The following CFAP58 variants were observed in gnomAD, a reference collection of about 807,000 sequenced individuals.
CFAP58 encodes the protein cilia- and flagella-associated protein 58.
CFAP58 carries 88 observed loss-of-function variants against 119.5 expected under a neutral mutation model. The observed-to-expected ratio is 0.74, with a 90% confidence interval of 0.62 to 0.88. The LOEUF (loss-of-function observed/expected upper bound fraction) is 0.88, where lower values mean the gene tolerates loss of function less well. Ranked by LOEUF, CFAP58 falls within the 40% of genes least tolerant of loss-of-function variation. The probability of loss-of-function intolerance (pLI) is 0.00; values close to 1 mark genes in which losing one functional copy is unlikely to be tolerated. For synonymous variants in CFAP58, 365 were observed against 366.3 expected (o/e 1.00, Z 0.04); for missense variants, 990 against 1,021.2 (o/e 0.97, Z 0.42).
chr10:104,453,592 G>T (rs1169776551), intron 17 of CFAP58, among the ~76,000 whole-genome samples: 1 of 152,128 alleles, frequency 6.6e-6, no homozygotes, highest in Non-Finnish European at 1.5e-5. Flanking sequence ...AAGACAGTTT[G>T]TTCCCCTAGG....
intron 7 of CFAP58, among the ~76,000 whole-genome samples, chr10:104,375,670 C>T (rs1257162493): frequency 1.3e-5 from 2 of 151,458 alleles, no homozygotes; most frequent in Non-Finnish European, 2.9e-5. Context: ...CCAAAGTGGT[C>T]GGGGTACAGC....
intron 15 of CFAP58, among the ~76,000 whole-genome samples, chr10:104,415,732 A>G (rs1372044133): frequency 1.3e-5 from 2 of 152,194 alleles, no homozygotes; most frequent in South Asian, 2.1e-4. Flanking sequence ...TTACTCACTC[A>G]GTGATTCACC....
At chr10:104,424,198 C>T (rs1386248960) in intron 15 of CFAP58, among the ~76,000 whole-genome samples, 2 of 152,128 alleles carry the variant, frequency 1.3e-5, no homozygotes, top group Non-Finnish European at 1.5e-5. Flanking sequence ...TGGGAGCTGC[C>T]TATATGCCTG....
At chr10:104,349,934 C>T (rs2014440352), upstream of CFAP58, among the ~76,000 whole-genome samples, 1 of 152,164 alleles carries the variant, frequency 6.6e-6, no homozygotes, top group Non-Finnish European at 1.5e-5. Context: ...AAGAGCATGG[C>T]TACCCAGGGA....
chr10:104,406,220 G>T (rs1023017717), intron 14 of CFAP58, among the ~76,000 whole-genome samples: 1 of 152,242 alleles, frequency 6.6e-6, no homozygotes, highest in African/African-American at 2.4e-5. Flanking sequence ...CGTGATTCCG[G>T]CTCTGAGCCT....
At chr10:104,450,274 A>G (rs2013173938) in intron 17 of CFAP58, 70 bp downstream of exon 17, 2 of 1,524,414 alleles carry the variant, frequency 1.3e-6, no homozygotes, top group Admixed American at 3.6e-5. Flanking sequence ...TTTGGTGAAC[A>G]GTCACAGAGT....
intron 3 of CFAP58, among the ~76,000 whole-genome samples, chr10:104,362,886 T>G (rs936783851): frequency 3.3e-5 from 5 of 152,220 alleles, no homozygotes; most frequent in African/African-American, 1.2e-4. Context: ...TCCAGAGCCC[T>G]TTGAGAACCT....
chr10:104,386,785 T>G (rs760332012), intron 9 of CFAP58, among the ~76,000 whole-genome samples: 11 of 152,258 alleles, frequency 7.2e-5, no homozygotes, highest in Non-Finnish European at 1.5e-4. Flanking sequence ...CACTTTTAAG[T>G]ATCTGTATCA....
chr10:104,410,195 A>T (rs2012437974), intron 15 of CFAP58, among the ~76,000 whole-genome samples: 2 of 152,208 alleles, frequency 1.3e-5, no homozygotes, highest in Non-Finnish European at 2.9e-5. Flanking sequence ...TCTAAAGTTG[A>T]TCAATATCTT....
chr10:104,396,408 G>A (rs12249737), intron 11 of CFAP58, among the ~76,000 whole-genome samples: 50 of 126,906 alleles, frequency 3.9e-4, no homozygotes, highest in Middle Eastern at 4.0e-3. Context: ...GAGAGAGAGA[G>A]AGAGAGAGAG....
chr10:104,399,027 C>G (rs546818870), intron 11 of CFAP58, among the ~76,000 whole-genome samples: 1 of 152,266 alleles, frequency 6.6e-6, no homozygotes, highest in South Asian at 2.1e-4. Flanking sequence ...TTTGTGAATT[C>G]TCCTGGTGTT....
At position 104,454,440 on chromosome 10, in the gene CFAP58, C is replaced by T; in HGVS notation, c.2529C>T (p.Pro843=). 3 of 1,613,420 alleles carry T rather than the reference C, an allele frequency of 1.9e-6. No individual in the cohort carries two copies. The highest frequency in any genetic ancestry group is 2.5e-6 in the Non-Finnish European group (3 of 1,179,598). The stretch of plus-strand genomic sequence containing the variant: ...CTTACAGAAACAAGGACACAGCACC[C>T]ATGGATAACACCTTCTTAATGGTCA... The part of the protein sequence containing the change: ...EQLQKNKDTA[P]MDNTFLMVKP... Residue 843 remains proline, a synonymous_variant, in exon 18 of 18, where the codon CCC becomes CCT. Coordinates refer to ENST00000369704, the MANE Select transcript of CFAP58 (RefSeq NM_001008723.2).
chr10:104,344,040 G>T, the CFAP58 span, among the ~76,000 whole-genome samples: 1 of 152,152 alleles, frequency 6.6e-6, no homozygotes, highest in Admixed American at 6.5e-5. Flanking sequence ...ACTATGCTTG[G>T]CTAGAAAATA....
intron 9 of CFAP58, among the ~76,000 whole-genome samples, chr10:104,390,181 G>A (rs1015472454): frequency 6.6e-6 from 1 of 152,168 alleles, no homozygotes; most frequent in Non-Finnish European, 1.5e-5. Context: ...ATACAAAAAT[G>A]TTTCCTGTAG....
upstream of CFAP58, among the ~76,000 whole-genome samples, chr10:104,352,150 A>G (rs933250213): frequency 6.6e-6 from 1 of 152,218 alleles, no homozygotes; most frequent in African/African-American, 2.4e-5. Context: ...ATGAGTCAAT[A>G]TTTGCAAAGC....
intron 15 of CFAP58, among the ~76,000 whole-genome samples, chr10:104,427,290 TA>T (rs2012766535): frequency 6.6e-6 from 1 of 152,216 alleles, no homozygotes; most frequent in African/African-American, 2.4e-5. Context: ...TCTCAGTTTA[TA>T]AAACCAGTTC....
chr10:104,351,286 G>A (rs2014456279), upstream of CFAP58, among the ~76,000 whole-genome samples: 1 of 152,224 alleles, frequency 6.6e-6, no homozygotes, highest in South Asian at 2.1e-4. Flanking sequence ...TCATGAATGA[G>A]ATGTCACTGC....
chr10:104,344,392 A>C, the CFAP58 span, among the ~76,000 whole-genome samples: 7 of 152,244 alleles, frequency 4.6e-5, no homozygotes, highest in African/African-American at 9.6e-5. Flanking sequence ...TGTCAGGCCC[A>C]ATCCAGAGTG....
chr10:104,349,291 C>A (rs553738124), upstream of CFAP58, among the ~76,000 whole-genome samples: 32 of 151,686 alleles, frequency 2.1e-4, no homozygotes, highest in Middle Eastern at 6.8e-3. Flanking sequence ...ACAAAACAAA[C>A]AAAAAAATTG....
Sources: allele counts gnomAD v4.1 joint callset (sites outside exome capture counted in the v4.1 genomes callset), GRCh38; gene constraint gnomAD v4.1.1; transcripts MANE v1.5; gene names NCBI Gene and HGNC (gene_info 2026-07-23, HGNC 2026-07-21).